Variants in MSI2 observed in about 807,000 individuals in gnomAD.
The protein encoded by MSI2 is musashi RNA binding protein 2.
In MSI2, 17 loss-of-function variants were observed where a neutral mutation model predicts 45.6. That is an observed-to-expected ratio of 0.37 (90% CI 0.26 to 0.56). The LOEUF is 0.56. MSI2 is among the 20% of genes least tolerant of loss of function. The pLI is 0.77. For missense variants in MSI2, 293 were observed against 444.2 expected (o/e 0.66, Z 3.06); for synonymous variants, 156 against 158.2 (o/e 0.99, Z 0.11).
At chr17:57,368,466 G>C (rs981939603) in intron 5 of MSI2, among the ~76,000 whole-genome samples, 2 of 152,178 alleles carry the variant, frequency 1.3e-5, no homozygotes, top group East Asian at 3.9e-4. Context: ...TGAGGCAGGA[G>C]AACCCTTGAA....
At chr17:57,602,621 C>T (rs574212523) in intron 8 of MSI2, among the ~76,000 whole-genome samples, 121 of 152,276 alleles carry the variant, frequency 7.9e-4, no homozygotes, top group Non-Finnish European at 1.4e-3. Flanking sequence ...TCCAAAAGTG[C>T]TGGGATTACA....
chr17:57,450,265 A>AAGAGAGAAAGAGAGAAAGAGAGAAAGAG (rs2084977466), intron 6 of MSI2: 1 of 78,918 alleles, frequency 1.3e-5, no homozygotes, highest in African/African-American at 5.7e-5. Context: ...TAAAGAAAGA[A>AAGAGAGAAAGAGAGAAAGAGAGAAAGAG]AGAAAGAAAG....
intron 6 of MSI2, among the ~76,000 whole-genome samples, chr17:57,487,211 C>T (rs529164646): frequency 2.9e-4 from 44 of 152,296 alleles, no homozygotes; most frequent in African/African-American, 8.9e-4. Flanking sequence ...CTCATGAGAC[C>T]GCAAAGATAG....
intron 5 of MSI2, chr17:57,266,166 C>T (rs1449808511): frequency 6.6e-6 from 1 of 152,194 alleles, no homozygotes; most frequent in Non-Finnish European, 1.5e-5. Flanking sequence ...CCTTCAGTCA[C>T]AGCGGGGTGG....
At chr17:57,346,716 C>G (rs1158275935) in intron 5 of MSI2, among the ~76,000 whole-genome samples, 1 of 152,032 alleles carries the variant, frequency 6.6e-6, no homozygotes, top group Non-Finnish European at 1.5e-5. Flanking sequence ...TGGCGATCCT[C>G]CCACCTCAGC....
intron 7 of MSI2, among the ~76,000 whole-genome samples, chr17:57,576,598 A>T (rs1386408819): frequency 6.6e-6 from 1 of 152,102 alleles, no homozygotes; most frequent in Non-Finnish European, 1.5e-5. Flanking sequence ...TCTACTAAAA[A>T]TACAAACATT....
chr17:57,643,402 G>A (rs775989997), intron 10 of MSI2, among the ~76,000 whole-genome samples: 4 of 152,364 alleles, frequency 2.6e-5, no homozygotes, highest in East Asian at 1.9e-4. Flanking sequence ...CCAGTGTTGC[G>A]AAGGGCCCCG....
intron 6 of MSI2, among the ~76,000 whole-genome samples, chr17:57,453,002 C>CTTTTT (rs59001273): frequency 2.5e-5 from 3 of 118,250 alleles, no homozygotes; most frequent in Admixed American, 8.7e-5. Flanking sequence ...GGTTGAGGGA[C>CTTTTT]TTTTTTTTTT....
At chr17:57,374,943 C>T (rs919952329) in intron 5 of MSI2, among the ~76,000 whole-genome samples, 2 of 152,144 alleles carry the variant, frequency 1.3e-5, no homozygotes, top group Non-Finnish European at 2.9e-5. Flanking sequence ...TCCATCTCTT[C>T]AGCATCTCTA....
intron 9 of MSI2, among the ~76,000 whole-genome samples, chr17:57,623,069 G>A (rs976445660): frequency 3.3e-5 from 5 of 152,134 alleles, no homozygotes; most frequent in Admixed American, 6.5e-5. Context: ...ATTGGACGGC[G>A]CAGGTCTGGA....
At position 57,611,163 on chromosome 17, in the gene MSI2, C is replaced by T. The variant is rs548320152; in HGVS notation, c.538-4807C>T. On this transcript the variant is annotated intron_variant, in intron 8 of 13. Transcript: ENST00000284073. ...AGTAGCAGCAGCCACTGTGAGAAGCCGTTGGTGCAGGAGACTCAAGGACTG... is the reference window on the plus strand; with the variant it reads ...AGTAGCAGCAGCCACTGTGAGAAGCTGTTGGTGCAGGAGACTCAAGGACTG... 3.1e-5 allele frequency among the ~76,000 whole-genome samples: 3 copies of T among 95,818 alleles called. 1 individual carries two copies. The highest frequency in any genetic ancestry group is 5.3e-4 in the East Asian group (2 of 3,778). 62.9% of individuals were successfully genotyped at this position (95,818 alleles called of 152,430 possible). A position where few individuals can be genotyped will look rare whatever the true frequency, so the allele number is the denominator to read the frequency against.
chr17:57,357,619 G>A (rs1598164504), intron 5 of MSI2, among the ~76,000 whole-genome samples: 3 of 152,186 alleles, frequency 2.0e-5, no homozygotes, highest in Middle Eastern at 3.4e-3. Context: ...TGGGAGCTGC[G>A]CCACCAGCTC....
chr17:57,270,299 G>A (rs1344837851), intron 5 of MSI2, among the ~76,000 whole-genome samples: 8 of 152,144 alleles, frequency 5.3e-5, no homozygotes, highest in African/African-American at 1.9e-4. Flanking sequence ...GTAAACTGGG[G>A]CCTGAGAGGG....
intron 7 of MSI2, among the ~76,000 whole-genome samples, chr17:57,530,055 C>T (rs1390894598): frequency 1.3e-5 from 2 of 152,202 alleles, no homozygotes; most frequent in African/African-American, 4.8e-5. Flanking sequence ...GGAAATTATT[C>T]ACAGCAGTGA....
At chr17:57,258,052 C>G (rs898662794) in intron 3 of MSI2, among the ~76,000 whole-genome samples, 3 of 152,080 alleles carry the variant, frequency 2.0e-5, no homozygotes, top group African/African-American at 7.2e-5. Context: ...GTTACCTCCA[C>G]CCTCCCTGCC....
At chr17:57,487,214 A>G (rs893480515) in intron 6 of MSI2, among the ~76,000 whole-genome samples, 3 of 152,306 alleles carry the variant, frequency 2.0e-5, no homozygotes, top group Admixed American at 2.0e-4. Flanking sequence ...ATGAGACCGC[A>G]AAGATAGTAG....
In MSI2 at chr17:57,285,395, G is replaced by C. The variant is rs140871415; in HGVS notation, c.312+23203G>C. 9.2e-5 allele frequency among the ~76,000 whole-genome samples: 14 copies of C among 152,318 alleles called. No homozygotes were observed. The East Asian group carries it at 2.5e-3, about 27-fold the overall frequency. ...ACAAATAAAGGGGAAGTTTGCAGAG[G>C]GCCCTTGGCTGGGGGCTGGCTGCTG... On this transcript the variant is annotated intron_variant, in intron 5 of 13. Coordinates refer to ENST00000284073, the MANE Select transcript of MSI2 (RefSeq NM_138962.4).
the MSI2 span, among the ~76,000 whole-genome samples, chr17:57,701,292 GA>G: frequency 6.6e-6 from 1 of 152,206 alleles, no homozygotes; most frequent in Non-Finnish European, 1.5e-5. Context: ...ATACCCTCCT[GA>G]ATTCATATGC....
intron 7 of MSI2, among the ~76,000 whole-genome samples, chr17:57,557,045 A>G (rs922250087): frequency 1.1e-4 from 16 of 152,350 alleles, no homozygotes; most frequent in African/African-American, 2.9e-4. Context: ...GGTTCAGGGC[A>G]TGGAGTATGG....
Sources: allele counts gnomAD v4.1 joint callset (sites outside exome capture counted in the v4.1 genomes callset), GRCh38; gene constraint gnomAD v4.1.1; transcripts MANE v1.5; gene names NCBI Gene and HGNC (gene_info 2026-07-23, HGNC 2026-07-21).